The following WNT4 variants were observed in gnomAD, a reference collection of about 807,000 sequenced individuals.
WNT4 encodes the protein protein Wnt-4.
WNT4 carries 16 observed loss-of-function variants against 34.5 expected under a neutral mutation model. The ratio of observed to expected loss-of-function variants is 0.46; its 90% CI spans 0.31 to 0.70. The LOEUF is 0.70. Among genes scored for constraint, WNT4 ranks in the 30% least tolerant of loss-of-function variants. The probability of loss-of-function intolerance (pLI) is 0.04; values close to 1 mark genes in which losing one functional copy is unlikely to be tolerated. For missense variants in WNT4, 379 were observed against 495.9 expected (o/e 0.76, Z 2.24); for synonymous variants, 200 against 211.9 (o/e 0.94, Z 0.49).
chr1:22,127,455 TG>T (rs1557926705), intron 2 of WNT4: 1 of 533,382 alleles, frequency 1.9e-6, no homozygotes, highest in South Asian at 1.4e-5. Flanking sequence ...TGACATCCAC[TG>T]TCTCCTCCAT....
rs1242279972 is a variant in WNT4, at chr1:22,117,375, C to T, written c.*2675G>A. On this transcript the variant is annotated 3_prime_UTR_variant, in exon 5 of 5. Transcript: ENST00000290167. ...CATGGGACGTCACAATGGCAAAGAG[C>T]CTAGTATAAAAATTGGAGGATGGGG... The T allele has an allele frequency of 6.6e-6, 1 of 152,240 alleles. No homozygotes were observed. The highest frequency in any genetic ancestry group is 1.9e-4 in the East Asian group (1 of 5,206). The allele number at this position is 152,240 out of a possible 1,614,324, so 9.4% of individuals were successfully genotyped here. A position where few individuals can be genotyped will look rare whatever the true frequency, so the allele number is the denominator to read the frequency against.
rs141715821 is a variant in WNT4 at position 22,135,552 on chromosome 1, G to A, written c.78-5701C>T. 5.9e-5 allele frequency among the ~76,000 whole-genome samples: 9 copies of A among 152,256 alleles called. No homozygotes were observed. In the East Asian group the frequency reaches 1.4e-3, roughly 23 times the overall value. ...TTTTCTGAACTACAGTGAGGTGTCT[G>A]GGCTGTGTTCAGGAGTAAGGGGTGC... is the stretch of plus-strand genomic sequence containing the variant. On this transcript the variant is annotated intron_variant, in intron 1 of 4. Coordinates refer to ENST00000290167, the MANE Select transcript of WNT4 (RefSeq NM_030761.5).
intron 2 of WNT4, among the ~76,000 whole-genome samples, chr1:22,126,876 T>C (rs1441545984): frequency 1.3e-5 from 2 of 152,228 alleles, no homozygotes; most frequent in African/African-American, 4.8e-5. Flanking sequence ...AGGACACAGA[T>C]GCTCAGGGGA....
At chr1:22,122,723 C>G (rs1268342158) in intron 2 of WNT4, among the ~76,000 whole-genome samples, 1 of 152,224 alleles carries the variant, frequency 6.6e-6, no homozygotes, top group Non-Finnish European at 1.5e-5. Flanking sequence ...CTGTGACATC[C>G]AGGCCTGTGC....
At position 22,118,447 on chromosome 1, in the gene WNT4, T is replaced by C. The variant is rs1645865747; in HGVS notation, c.*1603A>G. The C allele has an allele frequency of 6.6e-6, 1 of 152,244 alleles. No homozygotes were observed. Among genetic ancestry groups the C allele is most frequent in the Non-Finnish European group, 1.5e-5 (1 of 68,074 alleles). The allele number at this position is 152,244 out of a possible 1,614,324, so 9.4% of individuals were successfully genotyped here. ...CAAGGTCTTGATCCATGCATGTCCT[T>C]CTCACAAGCCTGGGCGGGGCTCGTG... On this transcript the variant is annotated 3_prime_UTR_variant, in exon 5 of 5. Coordinates refer to ENST00000290167, the MANE Select transcript of WNT4 (RefSeq NM_030761.5).
chr1:22,127,014 C>G (rs1477530598), intron 2 of WNT4: 2 of 340,948 alleles, frequency 5.9e-6, no homozygotes, highest in African/African-American at 2.2e-5. Context: ...CCCTTTTCCT[C>G]TTAGTCAGTG....
At chr1:22,123,982 G>A (rs149017110) in intron 2 of WNT4, among the ~76,000 whole-genome samples, 2 of 152,314 alleles carry the variant, frequency 1.3e-5, no homozygotes, top group East Asian at 1.9e-4. Context: ...AGCTGATGGC[G>A]GCTCCTCCAG....
intron 2 of WNT4, among the ~76,000 whole-genome samples, chr1:22,126,736 C>T (rs1446744343): frequency 1.3e-5 from 2 of 152,238 alleles, no homozygotes; most frequent in African/African-American, 4.8e-5. Context: ...CCCGCTTACA[C>T]AGGCTACTGC....
At chr1:22,133,595 C>T (rs910895490) in intron 1 of WNT4, among the ~76,000 whole-genome samples, 2 of 152,236 alleles carry the variant, frequency 1.3e-5, no homozygotes, top group African/African-American at 4.8e-5. Context: ...CTTCTCCTGT[C>T]GTGGCTGCAT....
At chr1:22,120,594 C>T in intron 4 of WNT4, 77 bp from the exon 5 acceptor site, 1 of 1,458,568 alleles carries the variant, frequency 6.9e-7, no homozygotes, top group East Asian at 2.5e-5. Context: ...AGGCTGACAG[C>T]CGAGCATCGG....
At chr1:22,121,695 C>A in intron 2 of WNT4, 119 bp from the exon 3 acceptor site, 3 of 1,485,210 alleles carry the variant, frequency 2.0e-6, no homozygotes, top group Non-Finnish European at 2.7e-6. Context: ...GGGAGCAAGA[C>A]AGGCAGAAAT....
Position 22,119,933 on chromosome 1 carries a change from C to T in WNT4, c.*117G>A. 1 of 1,373,402 alleles carries T rather than the reference C, an allele frequency of 7.3e-7. No individual in the cohort carries two copies. Among genetic ancestry groups the T allele is most frequent in the Non-Finnish European group, 9.9e-7 (1 of 1,011,956 alleles). The allele number at this position is 1,373,402 out of a possible 1,614,324, so 85.1% of individuals were successfully genotyped here. A position where few individuals can be genotyped will look rare whatever the true frequency, so the allele number is the denominator to read the frequency against. On this transcript the variant is annotated 3_prime_UTR_variant, in exon 5 of 5. Coordinates refer to ENST00000290167, the MANE Select transcript of WNT4 (RefSeq NM_030761.5). The stretch of plus-strand genomic sequence containing the variant: ...AATAAATAACATGAGGACCCAAAAA[C>T]CAAACCAGAACAAAAAATACAACCA...
At chr1:22,120,642 G>A in intron 4 of WNT4, 125 bp from the exon 5 acceptor site, 1 of 990,028 alleles carries the variant, frequency 1.0e-6, no homozygotes, top group South Asian at 1.5e-5. Flanking sequence ...ATTTGCCGTT[G>A]TGCCTCCTCT....
intron 2 of WNT4, 152 bp from the exon 3 acceptor site, chr1:22,121,728 G>A (rs946363349): frequency 4.0e-6 from 5 of 1,263,328 alleles, no homozygotes; most frequent in Non-Finnish European, 5.5e-6. Flanking sequence ...ACCCCACGGC[G>A]CTTGTTCTTA....
intron 2 of WNT4, chr1:22,126,980 T>C: frequency 3.1e-6 from 1 of 323,322 alleles, no homozygotes; most frequent in Non-Finnish European, 6.1e-6. Flanking sequence ...AGTGCTTCCC[T>C]CTCAGACCTC....
chr1:22,132,882 G>A (rs1645994965), intron 1 of WNT4, among the ~76,000 whole-genome samples: 2 of 152,100 alleles, frequency 1.3e-5, no homozygotes, highest in African/African-American at 2.4e-5. Context: ...GGTCTCGCCC[G>A]GGCAGGGCTG....
At position 22,117,842 on chromosome 1, in the gene WNT4, C is replaced by T. The variant is rs1217312988; in HGVS notation, c.*2208G>A. ...TCCCTGGATGGGGAGAGTGGCTCAG[C>T]TCTTTCCTCTGGGAGGGGAGGGGTC... On this transcript the variant is annotated 3_prime_UTR_variant, in exon 5 of 5. Transcript: ENST00000290167. The T allele has an allele frequency of 6.6e-6, 1 of 152,326 alleles. No homozygotes were observed. The highest frequency in any genetic ancestry group is 1.5e-5 in the Non-Finnish European group (1 of 68,140). The allele number at this position is 152,326 out of a possible 1,614,324, so 9.4% of individuals were successfully genotyped here.
intron 1 of WNT4, among the ~76,000 whole-genome samples, chr1:22,135,120 G>A (rs942487445): frequency 6.6e-6 from 1 of 152,182 alleles, no homozygotes; most frequent in East Asian, 1.9e-4. Context: ...CAAGAGCTGG[G>A]ACACTGGGGT....
At position 22,137,449 on chromosome 1, in the gene WNT4, C is replaced by A. The variant is rs902892469; in HGVS notation, c.77+5397G>T. ...GGCCCACGGCAGGCAGCTGTCACCC[C>A]ACCCATGGCTCCCTGGCCAATCTGC... is the stretch of plus-strand genomic sequence containing the variant. On this transcript the variant is annotated intron_variant, in intron 1 of 4. Transcript: ENST00000290167. The surrounding 1 kb of genome is among the most constrained non-coding windows in gnomAD (Gnocchi z 5.3). Among the ~76,000 whole-genome samples the A allele has an allele frequency of 6.6e-6, 1 of 152,200 alleles. No individual in the cohort carries two copies. Among genetic ancestry groups the A allele is most frequent in the African/African-American group, 2.4e-5 (1 of 41,438 alleles).
Sources: gnomAD v4.1 joint callset for allele counts (sites outside exome capture counted in the v4.1 genomes callset) on GRCh38, gnomAD v4.1.1 for gene constraint, Gnocchi (gnomAD v3.1) non-coding constraint, MANE v1.5 for transcripts, NCBI Gene and HGNC (gene_info 2026-07-23, HGNC 2026-07-21) for gene names.